CCDC171: variants seen among roughly 807,000 people sequenced by gnomAD.
The protein encoded by CCDC171 is coiled-coil domain-containing protein 171.
Under a neutral mutation model 168.2 loss-of-function variants are expected in CCDC171, and 177 were observed. The ratio of observed to expected loss-of-function variants is 1.05; its 90% CI spans 0.93 to 1.19. CCDC171 has a LOEUF of 1.19. Ranked by LOEUF, CCDC171 falls within the 50% of genes most tolerant of loss-of-function variation. The pLI is 0.00. For missense variants in CCDC171, 1,991 were observed against 1,539.0 expected, an observed-to-expected ratio of 1.29 and a Z score of -4.91; for synonymous variants, 687 against 540.8, an observed-to-expected ratio of 1.27 and a Z score of -3.75.
intron 6 of CCDC171, among the ~76,000 whole-genome samples, chr9:16,034,264 G>A (rs912851204): frequency 6.6e-6 from 1 of 152,158 alleles, no homozygotes; most frequent in Non-Finnish European, 1.5e-5. Flanking sequence ...CCCACCATTG[G>A]CGTCTATCAG....
At chr9:16,102,488 T>TGGG in the CCDC171 span, among the ~76,000 whole-genome samples, 6 of 50,050 alleles carry the variant, frequency 1.2e-4, no homozygotes, top group African/African-American at 1.7e-4. Flanking sequence ...AAACGTGTGT[T>TGGG]GGGGGGGGGC....
In CCDC171 at chr9:15,839,529, G is replaced by A. The variant is rs190302922; in HGVS notation, c.3268-7173G>A. 1.4e-3 allele frequency among the ~76,000 whole-genome samples: 216 copies of A among 152,264 alleles called. 2 individuals are homozygous for A. The highest frequency in any genetic ancestry group is 2.3e-3 in the Non-Finnish European group (154 of 68,000). The stretch of plus-strand genomic sequence containing the variant: ...TTCTTAGTTTTCTCGTGTAAAACAG[G>A]AATGGTAATACTATATACCTCACTG... On this transcript the variant is annotated intron_variant, in intron 21 of 25. Transcript: ENST00000380701.
At chr9:16,072,055 T>C in the CCDC171 span, among the ~76,000 whole-genome samples, 1 of 152,208 alleles carries the variant, frequency 6.6e-6, no homozygotes, top group African/African-American at 2.4e-5. Context: ...ATTCTTGGAG[T>C]GTGGGAAGTG....
chr9:15,888,833 C>G (rs1819789187), intron 24 of CCDC171: 1 of 151,898 alleles, frequency 6.6e-6, no homozygotes, highest in Non-Finnish European at 1.5e-5. Flanking sequence ...CTGACCTGCC[C>G]TAATTTTGTG....
At chr9:15,955,753 T>C (rs1403239789) in intron 25 of CCDC171, among the ~76,000 whole-genome samples, 1 of 152,166 alleles carries the variant, frequency 6.6e-6, no homozygotes. Context: ...CAGAATCCTC[T>C]CAAATCCTTG....
intron 23 of CCDC171, among the ~76,000 whole-genome samples, chr9:15,865,375 T>C (rs1166016242): frequency 9.0e-6 from 1 of 110,540 alleles, no homozygotes; most frequent in Non-Finnish European, 2.0e-5. Context: ...ATATGTATAT[T>C]TGTCATATTT....
intron 25 of CCDC171, among the ~76,000 whole-genome samples, chr9:15,965,878 A>G (rs1334832291): frequency 6.6e-6 from 1 of 152,244 alleles, no homozygotes; most frequent in African/African-American, 2.4e-5. Flanking sequence ...CCACCTTCAA[A>G]GCCCGTATTC....
chr9:15,648,097 GC>G (rs986892593), intron 7 of CCDC171, among the ~76,000 whole-genome samples: 2 of 152,038 alleles, frequency 1.3e-5, no homozygotes, highest in African/African-American at 4.8e-5. Context: ...TTCAACATAC[GC>G]AAATCAATAA....
At chr9:15,623,926 T>A (rs914650565) in intron 7 of CCDC171, among the ~76,000 whole-genome samples, 13 of 152,356 alleles carry the variant, frequency 8.5e-5, no homozygotes, top group African/African-American at 2.9e-4. Flanking sequence ...TGAAAATAAC[T>A]TTTAATCTTA....
At chr9:16,100,351 C>T in the CCDC171 span, among the ~76,000 whole-genome samples, 10 of 152,168 alleles carry the variant, frequency 6.6e-5, no homozygotes, top group Non-Finnish European at 1.0e-4. Context: ...AGCCTATCTC[C>T]AGCCGCTCAG....
At chr9:15,815,285 T>C (rs919377565) in intron 21 of CCDC171, among the ~76,000 whole-genome samples, 1 of 152,266 alleles carries the variant, frequency 6.6e-6, no homozygotes, top group South Asian at 2.1e-4. Context: ...CCATGTCTCA[T>C]TTTTAATAGA....
chr9:15,949,187 A>C (rs200839915), intron 25 of CCDC171, among the ~76,000 whole-genome samples: 1 of 151,718 alleles, frequency 6.6e-6, no homozygotes, highest in Non-Finnish European at 1.5e-5. Flanking sequence ...TCTATATCTC[A>C]GTTTTGGTAC....
chr9:15,884,007 A>G (rs1235897187), intron 24 of CCDC171, among the ~76,000 whole-genome samples: 1 of 152,214 alleles, frequency 6.6e-6, no homozygotes, highest in African/African-American at 2.4e-5. Context: ...AAATTACACC[A>G]GTAGCAGGGA....
intron 9 of CCDC171, among the ~76,000 whole-genome samples, chr9:15,667,823 T>C (rs909529943): frequency 3.9e-5 from 6 of 152,202 alleles, no homozygotes; most frequent in African/African-American, 1.4e-4. Context: ...GCTTATAATA[T>C]TTTAAACCAA....
intron 7 of CCDC171, among the ~76,000 whole-genome samples, chr9:15,648,982 A>G (rs1004861604): frequency 6.6e-6 from 1 of 152,202 alleles, no homozygotes; most frequent in Non-Finnish European, 1.5e-5. Flanking sequence ...GCATCATGCT[A>G]CCTGACTTCA....
chr9:16,028,512 A>G (rs938060508), intron 6 of CCDC171, among the ~76,000 whole-genome samples: 1 of 152,202 alleles, frequency 6.6e-6, no homozygotes, highest in Non-Finnish European at 1.5e-5. Flanking sequence ...GCACACTCAT[A>G]CTAAATATTA....
At chr9:15,731,332 C>G (rs1256907335) in intron 16 of CCDC171, among the ~76,000 whole-genome samples, 1 of 152,034 alleles carries the variant, frequency 6.6e-6, no homozygotes, top group East Asian at 1.9e-4. Context: ...TTTTCATTAC[C>G]CTAGAGTGTT....
intron 3 of CCDC171, among the ~76,000 whole-genome samples, chr9:15,995,233 C>T (rs760362851): frequency 2.0e-5 from 3 of 152,178 alleles, no homozygotes; most frequent in Non-Finnish European, 4.4e-5. Flanking sequence ...CCTGCCATAA[C>T]AGGATTAATG....
chr9:16,008,717 A>G (rs760004518), intron 3 of CCDC171, among the ~76,000 whole-genome samples: 1 of 152,176 alleles, frequency 6.6e-6, no homozygotes, highest in Non-Finnish European at 1.5e-5. Context: ...TTCTCAGAGC[A>G]CAGCTAAGAC....
Sources: allele counts gnomAD v4.1 joint callset (sites outside exome capture counted in the v4.1 genomes callset), GRCh38; gene constraint gnomAD v4.1.1; transcripts MANE v1.5; gene names NCBI Gene and HGNC (gene_info 2026-07-23, HGNC 2026-07-21).